MTMR9: variants seen among roughly 807,000 people sequenced by gnomAD.
MTMR9 encodes the protein myotubularin-related protein 9.
MTMR9 carries 39 observed loss-of-function variants against 69.5 expected under a neutral mutation model. The observed-to-expected ratio is 0.56, with a 90% CI of 0.43 to 0.73. MTMR9 has a LOEUF of 0.73. MTMR9 is among the 30% of genes least tolerant of loss of function. The probability of loss-of-function intolerance (pLI) is 0.00; values close to 1 mark genes in which losing one functional copy is unlikely to be tolerated. For synonymous variants in MTMR9, 354 were observed against 240.8 expected (o/e 1.47, Z -4.35); for missense variants, 900 against 671.2 (o/e 1.34, Z -3.77).
At position 11,327,256 on chromosome 8, in the gene MTMR9, C is replaced by G. The variant is rs542980302; in HGVS notation, c.*4468C>G. The G allele has an allele frequency of 6.6e-6, 1 of 152,198 alleles. No individual in the cohort carries two copies. Among genetic ancestry groups the G allele is most frequent in the East Asian group, 1.9e-4 (1 of 5,196 alleles). The allele number at this position is 152,198 out of a possible 1,614,324, so 9.4% of individuals were successfully genotyped here. ...TTAATGTTCCAGCTCTTGAACTACA[C>G]TGTGGAACAGTAATTTGTGCCCAAT... On this transcript the variant is annotated 3_prime_UTR_variant, in exon 10 of 10. Coordinates refer to ENST00000221086, the MANE Select transcript of MTMR9 (RefSeq NM_015458.4).
intron 6 of MTMR9, among the ~76,000 whole-genome samples, chr8:11,312,960 G>A (rs907576474): frequency 6.6e-6 from 1 of 152,204 alleles, no homozygotes; most frequent in African/African-American, 2.4e-5. Flanking sequence ...CTGAGCAGTA[G>A]GTCTCAACAG....
At chr8:11,316,480 G>A (rs978304970) in intron 7 of MTMR9, 193 bp from the exon 8 acceptor site, 1 of 432,642 alleles carries the variant, frequency 2.3e-6, no homozygotes, top group African/African-American at 2.0e-5. Context: ...ATTTGGAAGT[G>A]TGTCTTTTTC....
At chr8:11,314,491 A>T (rs1800330175) in intron 6 of MTMR9, among the ~76,000 whole-genome samples, 1 of 152,238 alleles carries the variant, frequency 6.6e-6, no homozygotes, top group Non-Finnish European at 1.5e-5. Flanking sequence ...GTGGAAAGGT[A>T]GAGTCAAAGT....
At position 11,309,563 on chromosome 8, in the gene MTMR9, G is replaced by A. The variant is rs376355000; in HGVS notation, c.846G>A (p.Val282=). Reference sequence around the variant, plus strand: ...TTCAGGAGAGCTTAATCAAACTTGTGGAAGCTTGTAATGACCAAACACATA... The same window carrying A: ...TTCAGGAGAGCTTAATCAAACTTGTAGAAGCTTGTAATGACCAAACACATA... ...HILQESLIKL[V]EACNDQTHNM... The change falls in exon 6 of 10, where the codon GTG becomes GTA. Residue 282 remains valine (V), a synonymous_variant. Coordinates refer to ENST00000221086, the MANE Select transcript of MTMR9 (RefSeq NM_015458.4). 3.1e-6 allele frequency: 5 copies of A among 1,613,540 alleles called. No homozygotes were observed. Among genetic ancestry groups the A allele is most frequent in the Admixed American group, 1.7e-5 (1 of 59,936 alleles).
At chr8:11,320,390 A>T (rs935620008) in intron 9 of MTMR9, 1 of 152,270 alleles carries the variant, frequency 6.6e-6, no homozygotes, top group African/African-American at 2.4e-5. Context: ...TTTTCCAACT[A>T]TTGAAGCTTA....
chr8:11,321,927 C>G (rs537450279), intron 9 of MTMR9, among the ~76,000 whole-genome samples: 2 of 152,262 alleles, frequency 1.3e-5, no homozygotes, highest in Admixed American at 1.3e-4. Context: ...ATGGTGCAGC[C>G]TGGAAGATTT....
At chr8:11,298,716 C>T in intron 2 of MTMR9, 1 of 851,672 alleles carries the variant, frequency 1.2e-6, no homozygotes, top group Non-Finnish European at 1.4e-6. Flanking sequence ...CCTTTCCCCG[C>T]TGCACCCCCC....
chr8:11,329,476 A>T (rs1195638036), downstream of MTMR9, among the ~76,000 whole-genome samples: 1 of 152,018 alleles, frequency 6.6e-6, no homozygotes, highest in African/African-American at 2.4e-5. Flanking sequence ...GCCACGCCTG[A>T]CTGGTTTTCG....
At chr8:11,337,790 G>A in the MTMR9 span, among the ~76,000 whole-genome samples, 1 of 152,202 alleles carries the variant, frequency 6.6e-6, no homozygotes, top group East Asian at 1.9e-4. Flanking sequence ...ATGTGCTCCG[G>A]TAAAGGTAGA....
At chr8:11,292,993 C>G (rs1799421401) in intron 1 of MTMR9, among the ~76,000 whole-genome samples, 2 of 152,184 alleles carry the variant, frequency 1.3e-5, no homozygotes, top group Non-Finnish European at 2.9e-5. Context: ...GAGTATACTG[C>G]TTATACTTCT....
At chr8:11,305,578 C>G (rs1349754953) in intron 4 of MTMR9, among the ~76,000 whole-genome samples, 1 of 152,126 alleles carries the variant, frequency 6.6e-6, no homozygotes, top group Non-Finnish European at 1.5e-5. Context: ...ACATTGATTT[C>G]TAGAGAAAAG....
chr8:11,286,813 A>T (rs188024880), intron 1 of MTMR9, among the ~76,000 whole-genome samples: 19 of 151,818 alleles, frequency 1.3e-4, no homozygotes, highest in African/African-American at 4.6e-4. Context: ...CCTTTCTTGC[A>T]CTTGCTTTCA....
At chr8:11,289,520 A>C (rs1465905029) in intron 1 of MTMR9, among the ~76,000 whole-genome samples, 2 of 151,960 alleles carry the variant, frequency 1.3e-5, no homozygotes, top group East Asian at 1.9e-4. Context: ...AAATTGAGTT[A>C]CTACTACTCA....
At chr8:11,329,533 A>T (rs1801110103), downstream of MTMR9, among the ~76,000 whole-genome samples, 1 of 152,236 alleles carries the variant, frequency 6.6e-6, no homozygotes, top group Non-Finnish European at 1.5e-5. Context: ...CCGGGCTGGT[A>T]TCCAGCTCCT....
intron 8 of MTMR9, 44 bp downstream of exon 8, chr8:11,316,937 T>G (rs779982472): frequency 1.5e-6 from 2 of 1,369,316 alleles, no homozygotes; most frequent in Admixed American, 4.7e-5. Flanking sequence ...TTCCGTTGTT[T>G]TGGCTACTTC....
At chr8:11,319,626 AG>A in intron 8 of MTMR9, 60 bp from the exon 9 acceptor site, 1 of 1,537,324 alleles carries the variant, frequency 6.5e-7, no homozygotes, top group Middle Eastern at 2.3e-4. Context: ...TCGTAAGAGG[AG>A]CACTCAATAA....
chr8:11,320,123 A>G, intron 9 of MTMR9: 2 of 282,850 alleles, frequency 7.1e-6, no homozygotes, highest in South Asian at 6.7e-5. Context: ...TTTGCCTAAG[A>G]GAGTTGGTAA....
chr8:11,321,363 T>C (rs953229958), intron 9 of MTMR9: 3 of 455,804 alleles, frequency 6.6e-6, no homozygotes, highest in East Asian at 1.4e-4. Flanking sequence ...TCTTCCTGTT[T>C]AGGACTTCTG....
chr8:11,291,289 A>G (rs73665046), intron 1 of MTMR9, among the ~76,000 whole-genome samples: 2,289 of 152,240 alleles, frequency 0.015, 42 homozygotes, highest in African/African-American at 0.052. Context: ...GATGGTGTAT[A>G]TGCTAGGTGC....
Sources: gnomAD v4.1 joint callset for allele counts (sites outside exome capture counted in the v4.1 genomes callset) on GRCh38, gnomAD v4.1.1 for gene constraint, MANE v1.5 for transcripts, NCBI Gene and HGNC (gene_info 2026-07-23, HGNC 2026-07-21) for gene names.